PPP2R5C: variants seen among roughly 807,000 people sequenced by gnomAD.
PPP2R5C encodes the protein serine/threonine-protein phosphatase 2A 56 kDa regulatory subunit gamma isoform.
PPP2R5C carries 7 observed loss-of-function variants against 68.9 expected under a neutral mutation model. The observed-to-expected ratio is 0.10, with a 90% CI of 0.06 to 0.19. The LOEUF (loss-of-function observed/expected upper bound fraction) is 0.19, where lower values mean the gene tolerates loss of function less well. Ranked by LOEUF, PPP2R5C falls within the 10% of genes least tolerant of loss-of-function variation. The pLI, the probability that PPP2R5C is intolerant of heterozygous loss-of-function variation, is 1.00. For synonymous variants in PPP2R5C, 210 were observed against 222.2 expected (o/e 0.95, Z 0.49); for missense variants, 348 against 641.3 (o/e 0.54, Z 4.94).
chr14:101,890,925 A>G (rs2044852141), intron 6 of PPP2R5C, among the ~76,000 whole-genome samples: 1 of 151,816 alleles, frequency 6.6e-6, no homozygotes, highest in South Asian at 2.1e-4. Flanking sequence ...GGTGCCCGCC[A>G]CCATGCCTGG....
intron 1 of PPP2R5C, among the ~76,000 whole-genome samples, chr14:101,848,824 A>G (rs1595368014): frequency 6.6e-6 from 1 of 152,338 alleles, no homozygotes; most frequent in African/African-American, 2.4e-5. Flanking sequence ...TTTTTTAGCC[A>G]TATGCATGTA....
chr14:101,812,491 G>A (rs1222070862), intron 1 of PPP2R5C, among the ~76,000 whole-genome samples: 1 of 152,222 alleles, frequency 6.6e-6, no homozygotes, highest in Non-Finnish European at 1.5e-5. Context: ...AGGTCACACA[G>A]CCTGGAAGTG....
At chr14:101,853,226 T>A (rs1480927945) in intron 1 of PPP2R5C, among the ~76,000 whole-genome samples, 2 of 152,090 alleles carry the variant, frequency 1.3e-5, no homozygotes, top group African/African-American at 2.4e-5. Context: ...CCCAATTCAT[T>A]GTTACAGGTT....
At chr14:101,925,358 A>C (rs2047244073) in exon 14 of PPP2R5C, 2 of 1,532,178 alleles carry the variant, frequency 1.3e-6, no homozygotes, top group East Asian at 2.4e-5. Flanking sequence ...CATACCAATC[A>C]GTTACACTCA....
chr14:101,762,640 C>T (rs1464380791), intron 1 of PPP2R5C, among the ~76,000 whole-genome samples: 1 of 151,930 alleles, frequency 6.6e-6, no homozygotes, highest in Admixed American at 6.6e-5. Context: ...ATGCCAGAAG[C>T]ACTGTATAAA....
At chr14:101,802,043 C>G (rs2038882895) in intron 3 of PPP2R5C, among the ~76,000 whole-genome samples, 1 of 152,170 alleles carries the variant, frequency 6.6e-6, no homozygotes, top group African/African-American at 2.4e-5. Context: ...ACAAGGTTTC[C>G]TAGACCATTC....
chr14:101,831,809 G>A (rs897917632), intron 1 of PPP2R5C: 5 of 700,542 alleles, frequency 7.1e-6, no homozygotes, highest in Non-Finnish European at 1.3e-5. Flanking sequence ...ATTTGGGTAA[G>A]CGTGGTGGTC....
chr14:101,836,585 T>G (rs1019682016), intron 1 of PPP2R5C: 1 of 522,410 alleles, frequency 1.9e-6, no homozygotes, highest in African/African-American at 1.9e-5. Context: ...GCCTGGGGTG[T>G]TGCATGCATT....
At chr14:101,886,228 C>T (rs1250046667) in intron 5 of PPP2R5C, among the ~76,000 whole-genome samples, 1 of 151,482 alleles carries the variant, frequency 6.6e-6, no homozygotes, top group Non-Finnish European at 1.5e-5. Flanking sequence ...TTACAGTGAG[C>T]CGAGATCGTG....
In PPP2R5C at chr14:101,781,060, T is replaced by C. The variant is rs61993991; in HGVS notation, c.94-4958T>C. On this transcript the variant is annotated intron_variant, in intron 2 of 14. Transcript: ENST00000328724. The surrounding 1 kb of genome is among the most constrained non-coding windows in gnomAD (Gnocchi z 6.4). ...AGCGTGGGGCAGCCGCTCCCCAGCC[T>C]TCCTCCCTAGCCGTCTCCCTCCAGC... 0.083 allele frequency among the ~76,000 whole-genome samples: 12,611 copies of C among 152,206 alleles called. 599 individuals are homozygous for C. Among genetic ancestry groups the C allele is most frequent in the Middle Eastern group, 0.14 (40 of 294 alleles).
intron 1 of PPP2R5C, among the ~76,000 whole-genome samples, chr14:101,849,515 A>G (rs2042023699): frequency 6.7e-6 from 1 of 149,338 alleles, no homozygotes; most frequent in African/African-American, 2.5e-5. Context: ...CTATTCTTCT[A>G]TTTGTACTCT....
At position 101,916,853 on chromosome 14, in the gene PPP2R5C, A is replaced by ACC. The variant is rs1224015717; in HGVS notation, c.1327-974_1327-973dup. Among the ~76,000 whole-genome samples the ACC allele has an allele frequency of 1.4e-4, 21 of 151,042 alleles. No homozygotes were observed. The highest frequency in any genetic ancestry group is 3.0e-4 in the Non-Finnish European group (20 of 67,688). Reference sequence around the variant, plus strand: ...GTGGATGAGAGCAGCCTGGGCAGGAACCCCCGCTCCCCTCTCCTGAACTCA... The same window carrying ACC: ...GTGGATGAGAGCAGCCTGGGCAGGAACCCCCCCGCTCCCCTCTCCTGAACTCA... On this transcript the variant is annotated intron_variant, in intron 12 of 13. Transcript: ENST00000334743. The surrounding 1 kb of genome is among the most constrained non-coding windows in gnomAD (Gnocchi z 5.5).
upstream of PPP2R5C, chr14:101,761,792 GCGGCGGCGGCCGCGGGGGCGCGA>G (rs1161774507): frequency 9.3e-6 from 9 of 970,996 alleles, no homozygotes; most frequent in Non-Finnish European, 1.1e-5. Flanking sequence ...GGCGGCGGCG[GCGGCGGCGGCCGCGGGGGCGCGA>G]CGGCCGGGGC....
intron 10 of PPP2R5C, 96 bp from the exon 13 acceptor site, chr14:101,909,493 G>A (rs2046267403): frequency 1.3e-6 from 1 of 754,050 alleles, no homozygotes; most frequent in Non-Finnish European, 2.3e-6. Flanking sequence ...CCTGTGCGAT[G>A]TGGGACTGTT....
chr14:101,875,817 T>C (rs1406546232), intron 2 of PPP2R5C, among the ~76,000 whole-genome samples: 2 of 152,226 alleles, frequency 1.3e-5, no homozygotes, highest in African/African-American at 4.8e-5. Context: ...AAGTTCCATC[T>C]TTGTAATATG....
chr14:101,918,810 T>C lies in PPP2R5C; in HGVS notation c.1443+863T>C, dbSNP rs1215520334. On this transcript the variant is annotated intron_variant, in intron 13 of 13. Coordinates refer to ENST00000334743, the Ensembl canonical transcript of PPP2R5C. ...GGTTCAAGGAGCGTTTCAGCTGCCG[T>C]GTTTCCCTGAGCGTCCCTCCCTGTT... Among the ~76,000 whole-genome samples, 6 of 149,256 alleles carry C rather than the reference T, an allele frequency of 4.0e-5. No homozygotes were observed. The East Asian group carries it at 1.2e-3, about 30-fold the overall frequency.
chr14:101,846,668 C>CA (rs1237494634), intron 1 of PPP2R5C, among the ~76,000 whole-genome samples: 1 of 152,090 alleles, frequency 6.6e-6, no homozygotes, highest in African/African-American at 2.4e-5. Flanking sequence ...TCCTTGTTAC[C>CA]AAAAATGAGG....
At position 101,888,250 on chromosome 14, in the gene PPP2R5C, G is replaced by A. The variant is rs996492762; in HGVS notation, c.630-1987G>A. On this transcript the variant is annotated intron_variant, in intron 5 of 13. Coordinates refer to ENST00000334743, the Ensembl canonical transcript of PPP2R5C. This position sits in a 1 kb window ranked among gnomAD's most constrained non-coding sequence, Gnocchi z 5.6. ...GAGGAATAGTAAACTGAAGCCACAC[G>A]GCTGCCGTGTATGCAAAGGGAGCCT... Among the ~76,000 whole-genome samples the A allele has an allele frequency of 6.6e-6, 1 of 151,972 alleles. No individual in the cohort carries two copies. Among genetic ancestry groups the A allele is most frequent in the Non-Finnish European group, 1.5e-5 (1 of 68,012 alleles).
chr14:101,827,117 A>G (rs1415539698), intron 1 of PPP2R5C, among the ~76,000 whole-genome samples: 1 of 151,516 alleles, frequency 6.6e-6, no homozygotes, highest in Non-Finnish European at 1.5e-5. Flanking sequence ...CTAGGATTAC[A>G]GGTGTGTGCC....
Sources: gnomAD v4.1 joint callset for allele counts (sites outside exome capture counted in the v4.1 genomes callset) on GRCh38, gnomAD v4.1.1 for gene constraint, Gnocchi (gnomAD v3.1) non-coding constraint, MANE v1.5 for transcripts, NCBI Gene and HGNC (gene_info 2026-07-23, HGNC 2026-07-21) for gene names.